CPED1: variants seen among roughly 807,000 people sequenced by gnomAD.
CPED1 encodes the protein cadherin-like and PC-esterase domain-containing protein 1.
A neutral mutation model predicts 128.2 loss-of-function variants in CPED1; 114 were observed. The observed-to-expected ratio is 0.89, with a 90% CI of 0.76 to 1.04. The LOEUF is 1.04. Among genes scored for constraint, CPED1 ranks in the 50% least tolerant of loss-of-function variants. The pLI, the probability that CPED1 is intolerant of heterozygous loss-of-function variation, is 0.00. For synonymous variants in CPED1, 462 were observed against 426.7 expected, an observed-to-expected ratio of 1.08 and a Z score of -1.02; for missense variants, 1,211 against 1,207.1, an observed-to-expected ratio of 1.00 and a Z score of -0.05.
intron 3 of CPED1, among the ~76,000 whole-genome samples, chr7:121,037,060 T>C (rs920721493): frequency 6.6e-6 from 1 of 152,184 alleles, no homozygotes; most frequent in African/African-American, 2.4e-5. Flanking sequence ...ATGTATACAA[T>C]GTGAAGATTT....
At chr7:121,103,390 C>T (rs979453672) in intron 7 of CPED1, among the ~76,000 whole-genome samples, 2 of 152,148 alleles carry the variant, frequency 1.3e-5, no homozygotes, top group East Asian at 1.9e-4. Context: ...CAAAGTTACG[C>T]TTGATGATAC....
chr7:121,232,781 T>G (rs971789138), intron 16 of CPED1, among the ~76,000 whole-genome samples: 1 of 151,832 alleles, frequency 6.6e-6, no homozygotes, highest in African/African-American at 2.4e-5. Flanking sequence ...CTGGAGGGAG[T>G]AATTGCATAT....
chr7:121,294,609 A>C (rs1344060372), intron 22 of CPED1, among the ~76,000 whole-genome samples: 1 of 152,152 alleles, frequency 6.6e-6, no homozygotes, highest in Non-Finnish European at 1.5e-5. Flanking sequence ...AGGGTGATTC[A>C]GAGGGATGTG....
chr7:121,147,047 C>T (rs1180450987), intron 16 of CPED1, among the ~76,000 whole-genome samples: 1 of 152,106 alleles, frequency 6.6e-6, no homozygotes, highest in Non-Finnish European at 1.5e-5. Flanking sequence ...CCAAAACTGT[C>T]TTCAGACATT....
At chr7:121,091,895 C>T (rs6961416) in intron 5 of CPED1, among the ~76,000 whole-genome samples, 15,284 of 152,070 alleles carry the variant, frequency 0.1, 872 homozygotes, top group Middle Eastern at 0.15. Flanking sequence ...CTATAATGTG[C>T]TGGACAAATT....
intron 18 of CPED1, among the ~76,000 whole-genome samples, chr7:121,254,642 G>GT (rs1217695012): frequency 1.3e-5 from 2 of 151,854 alleles, no homozygotes; most frequent in Non-Finnish European, 2.9e-5. Context: ...AAAAAGATAA[G>GT]TAAGACTGAT....
At position 121,130,178 on chromosome 7, in the gene CPED1, T is replaced by G. The variant is rs1434105442; in HGVS notation, c.1461T>G (p.Asp487Glu). The G allele has an allele frequency of 6.2e-7, 1 of 1,613,016 alleles. No individual in the cohort carries two copies. The highest frequency in any genetic ancestry group is 8.5e-7 in the Non-Finnish European group (1 of 1,179,306). The change falls in exon 12 of 23, where the codon GAT (aspartate) becomes GAG (glutamate). Residue 487 changes from aspartate to glutamate, a missense_variant. Coordinates refer to ENST00000310396, the MANE Select transcript of CPED1 (RefSeq NM_024913.5). Reference protein sequence around the residue: ...GIQSLMHEFYDVANPVGNPGS... With the variant: ...GIQSLMHEFYEVANPVGNPGS... ...AGTCACTGATGCATGAATTTTATGATGTGGCAAATCCTGTGGGAAATCCTG... is the reference window on the plus strand; with the variant it reads ...AGTCACTGATGCATGAATTTTATGAGGTGGCAAATCCTGTGGGAAATCCTG...
chr7:121,266,701 T>G lies in CPED1; in HGVS notation c.2532-6T>G. ...AACATGTGTTGTTTTTCTTTCTGAA[T>G]TTCAGATCACGTCCCCTAGAGAATA... On this transcript the variant is annotated splice_polypyrimidine_tract_variant and splice_region_variant and intron_variant, in intron 19 of 22. Transcript: ENST00000310396. 1 of 1,609,946 alleles carries G rather than the reference T, an allele frequency of 6.2e-7. No homozygotes were observed. The highest frequency in any genetic ancestry group is 1.1e-5 in the South Asian group (1 of 90,814).
At chr7:121,080,691 A>AT (rs954214124) in intron 5 of CPED1, among the ~76,000 whole-genome samples, 1 of 144,220 alleles carries the variant, frequency 6.9e-6, no homozygotes, top group Non-Finnish European at 1.5e-5. Flanking sequence ...TTACTTATGC[A>AT]TTTTAAAAAC....
At chr7:121,051,012 GA>G in intron 4 of CPED1, 13 of 537,360 alleles carry the variant, frequency 2.4e-5, no homozygotes, top group Admixed American at 4.1e-5. Context: ...AAGCGAAGCT[GA>G]AAAAGGCAGC....
chr7:121,118,574 CAG>C (rs374040157), intron 7 of CPED1, among the ~76,000 whole-genome samples: 2 of 139,902 alleles, frequency 1.4e-5, no homozygotes, highest in Admixed American at 7.2e-5. Flanking sequence ...AAAAAAAAAA[CAG>C]AGAGAGAAAG....
At chr7:121,087,185 G>A (rs1166082614) in intron 5 of CPED1, among the ~76,000 whole-genome samples, 1 of 152,014 alleles carries the variant, frequency 6.6e-6, no homozygotes, top group Non-Finnish European at 1.5e-5. Flanking sequence ...GGTTGGGGGA[G>A]GCAAACAAAA....
At position 120,990,665 on chromosome 7, in the gene CPED1, A is replaced by T. The variant is rs192345377; in HGVS notation, c.249+795A>T. On this transcript the variant is annotated intron_variant, in intron 2 of 22. Transcript: ENST00000310396. ...AAATAAAAAAAAATCCATGCAAAAA[A>T]GATCATGGTGGCAAAGCTACTAAAT... is the stretch of plus-strand genomic sequence containing the variant. 3.7e-3 allele frequency among the ~76,000 whole-genome samples: 570 copies of T among 152,324 alleles called. 2 individuals carry two copies. Among genetic ancestry groups the T allele is most frequent in the Admixed American group, 0.026 (398 of 15,298 alleles).
At chr7:121,171,285 T>C (rs4144090) in intron 16 of CPED1, among the ~76,000 whole-genome samples, 136,547 of 152,196 alleles carry the variant, frequency 0.9, 61,317 homozygotes, top group Middle Eastern at 0.98. Context: ...TTTAATACGC[T>C]TTTACATATT....
intron 16 of CPED1, among the ~76,000 whole-genome samples, chr7:121,177,212 C>T (rs75737091): frequency 6.6e-6 from 1 of 151,918 alleles, no homozygotes; most frequent in Non-Finnish European, 1.5e-5. Context: ...ATGCAGGTTC[C>T]TTTCCTGTCT....
chr7:121,068,351 G>A (rs1793902452), intron 5 of CPED1, among the ~76,000 whole-genome samples: 1 of 152,102 alleles, frequency 6.6e-6, no homozygotes, highest in Admixed American at 6.5e-5. Flanking sequence ...AGTTTTCCCA[G>A]CACCATCTAT....
At chr7:121,254,106 A>T (rs200691209) in intron 18 of CPED1, among the ~76,000 whole-genome samples, 1 of 151,820 alleles carries the variant, frequency 6.6e-6, no homozygotes, top group East Asian at 1.9e-4. Flanking sequence ...CACAGAATAT[A>T]TAGTCTTCTC....
intron 17 of CPED1, among the ~76,000 whole-genome samples, chr7:121,243,446 G>T (rs189901882): frequency 3.3e-5 from 5 of 152,304 alleles, no homozygotes; most frequent in African/African-American, 1.2e-4. Context: ...GATCTTAAAT[G>T]CATAGAGAAT....
intron 16 of CPED1, among the ~76,000 whole-genome samples, chr7:121,150,480 G>A (rs1382087309): frequency 3.9e-5 from 6 of 151,900 alleles, no homozygotes; most frequent in African/African-American, 9.7e-5. Flanking sequence ...TTGATTCCAT[G>A]TCTTTGCTAT....
Sources: gnomAD v4.1 joint callset for allele counts (sites outside exome capture counted in the v4.1 genomes callset) on GRCh38, gnomAD v4.1.1 for gene constraint, MANE v1.5 for transcripts, NCBI Gene and HGNC (gene_info 2026-07-23, HGNC 2026-07-21) for gene names.